The following USP28 variants were observed in gnomAD, a reference collection of about 807,000 sequenced individuals.
USP28 encodes the protein ubiquitin carboxyl-terminal hydrolase 28.
In USP28, 113 loss-of-function variants were observed where a neutral mutation model predicts 145.0. That is an observed-to-expected ratio of 0.78 (90% confidence interval 0.67 to 0.91). USP28 has a LOEUF of 0.91. Among genes scored for constraint, USP28 ranks in the 40% least tolerant of loss-of-function variants. The pLI is 0.00. For missense variants in USP28, 1,201 were observed against 1,289.6 expected (o/e 0.93, Z 1.05); for synonymous variants, 447 against 450.9 (o/e 0.99, Z 0.11).
chr11:113,860,562 A>C (rs1323286624), intron 1 of USP28, among the ~76,000 whole-genome samples: 1 of 152,140 alleles, frequency 6.6e-6, no homozygotes, highest in East Asian at 1.9e-4. Context: ...CTGTGATCCC[A>C]GCACTTTGGA....
intron 1 of USP28, chr11:113,874,448 A>ATTTT: frequency 9.6e-7 from 1 of 1,043,924 alleles, no homozygotes. Context: ...AAAAAAAAAA[A>ATTTT]AGTGTCTCCA....
chr11:113,817,061 C>T (rs1429495622), intron 13 of USP28, among the ~76,000 whole-genome samples: 3 of 151,996 alleles, frequency 2.0e-5, no homozygotes, highest in Non-Finnish European at 4.4e-5. Context: ...TTTTATTAGC[C>T]AGGTAACACA....
chr11:113,828,986 G>A (rs1437308391), intron 10 of USP28: 38 of 708,328 alleles, frequency 5.4e-5, no homozygotes, highest in Non-Finnish European at 7.5e-5. Flanking sequence ...ACCTTTACAC[G>A]AGTAACTCAA....
exon 25 of USP28, chr11:113,799,402 C>T: frequency 6.2e-7 from 1 of 1,612,856 alleles, no homozygotes; most frequent in East Asian, 2.2e-5. Flanking sequence ...CCCCTAGGCA[C>T]AGCTGCAGAT....
chr11:113,863,516 G>A (rs1361712611), intron 1 of USP28, among the ~76,000 whole-genome samples: 2 of 152,022 alleles, frequency 1.3e-5, no homozygotes, highest in Non-Finnish European at 2.9e-5. Flanking sequence ...GTGGTGGCGC[G>A]TGCCTGTAGT....
chr11:113,808,324 T>C (rs1242876712), exon 18 of USP28: 20 of 1,613,632 alleles, frequency 1.2e-5, no homozygotes, highest in Middle Eastern at 1.6e-4. Flanking sequence ...TCTACACCGC[T>C]CTTCTCATAG....
At chr11:113,838,076 C>A (rs1285198015) in intron 5 of USP28, among the ~76,000 whole-genome samples, 1 of 152,168 alleles carries the variant, frequency 6.6e-6, no homozygotes, top group African/African-American at 2.4e-5. Context: ...TACTCTCCTG[C>A]CCTTTTCCTT....
At position 113,840,584 on chromosome 11, in the gene USP28, T is replaced by C. The variant is rs1415123011; in HGVS notation, c.534+14A>G. ...ATTTCCAAAAGACACAGTTATCTCTTAAAAATATCATACCTGAATAACAGC... is the reference window on the plus strand; with the variant it reads ...ATTTCCAAAAGACACAGTTATCTCTCAAAAATATCATACCTGAATAACAGC... On this transcript the variant is annotated intron_variant, in intron 5 of 24. Transcript: ENST00000003302. 6.2e-7 allele frequency: 1 copy of C among 1,604,258 alleles called. No individual in the cohort carries two copies. Among genetic ancestry groups the C allele is most frequent in the Non-Finnish European group, 8.5e-7 (1 of 1,175,358 alleles).
At chr11:113,819,814 G>A (rs1040631491) in intron 12 of USP28, among the ~76,000 whole-genome samples, 10 of 151,972 alleles carry the variant, frequency 6.6e-5, no homozygotes, top group Admixed American at 1.3e-4. Flanking sequence ...CCACCTCCCC[G>A]GTTCAAGTGA....
intron 19 of USP28, 31 bp from the exon 21 acceptor site, chr11:113,805,077 T>C (rs748077544): frequency 1.9e-6 from 3 of 1,607,352 alleles, no homozygotes; most frequent in South Asian, 2.2e-5. Context: ...GGTTAGAAAA[T>C]AGTGTGCTGT....
chr11:113,854,266 C>A, exon 2 of USP28: 1 of 1,613,910 alleles, frequency 6.2e-7, no homozygotes, highest in South Asian at 1.1e-5. Flanking sequence ...ACCTTCAGAG[C>A]TTCATGGAGA....
chr11:113,851,543 C>T (rs1275094298), intron 3 of USP28, among the ~76,000 whole-genome samples: 5 of 152,180 alleles, frequency 3.3e-5, no homozygotes, highest in Non-Finnish European at 7.4e-5. Context: ...CACCTGTAAT[C>T]CTAGCACTCT....
intron 22 of USP28, 74 bp downstream of exon 23, chr11:113,803,724 A>T: frequency 2.4e-6 from 3 of 1,227,838 alleles, no homozygotes; most frequent in Non-Finnish European, 2.4e-6. Context: ...TGTGACTCTT[A>T]GTATTCCCAG....
intron 1 of USP28, among the ~76,000 whole-genome samples, chr11:113,865,218 A>G (rs1221268128): frequency 6.6e-6 from 1 of 152,112 alleles, no homozygotes; most frequent in East Asian, 1.9e-4. Context: ...CAAAATTCCA[A>G]TGGTCCTTTG....
At chr11:113,810,434 C>CA (rs1940790829) in intron 16 of USP28, among the ~76,000 whole-genome samples, 1 of 152,232 alleles carries the variant, frequency 6.6e-6, no homozygotes, top group African/African-American at 2.4e-5. Flanking sequence ...TCAGCCTTTT[C>CA]ACTAAGCAAA....
At chr11:113,821,295 T>C (rs1565378766) in intron 12 of USP28, 2 of 224,970 alleles carry the variant, frequency 8.9e-6, no homozygotes, top group Non-Finnish European at 9.9e-6. Flanking sequence ...ATCTCCGCTG[T>C]AGCTGACAGT....
exon 16 of USP28, chr11:113,812,483 C>T: frequency 6.2e-7 from 1 of 1,614,026 alleles, no homozygotes; most frequent in Non-Finnish European, 8.5e-7. Context: ...TGAACAAGAA[C>T]TGCATGCAAG....
At chr11:113,852,288 A>G (rs1366831284) in intron 3 of USP28, among the ~76,000 whole-genome samples, 1 of 152,232 alleles carries the variant, frequency 6.6e-6, no homozygotes, top group Non-Finnish European at 1.5e-5. Context: ...TCGGCCTCCC[A>G]AAGTGCTGGG....
At chr11:113,869,607 A>T (rs1408689107) in intron 1 of USP28, among the ~76,000 whole-genome samples, 1 of 151,932 alleles carries the variant, frequency 6.6e-6, no homozygotes. Context: ...CAAACAAGAC[A>T]TCTCAGTTTC....
Sources: gnomAD v4.1 joint callset for allele counts (sites outside exome capture counted in the v4.1 genomes callset) on GRCh38, gnomAD v4.1.1 for gene constraint, MANE v1.5 for transcripts, NCBI Gene and HGNC (gene_info 2026-07-23, HGNC 2026-07-21) for gene names.